Variants in TTF1 observed in about 807,000 individuals in gnomAD.
TTF1 encodes transcription termination factor, RNA polymerase I.
A neutral mutation model predicts 80.2 loss-of-function variants in TTF1; 64 were observed. The ratio of observed to expected loss-of-function variants is 0.80; its 90% CI spans 0.65 to 0.98. TTF1 has a LOEUF of 0.98. TTF1 is among the 50% of genes least tolerant of loss of function. The pLI, the probability that TTF1 is intolerant of heterozygous loss-of-function variation, is 0.00. For synonymous variants in TTF1, 372 were observed against 382.7 expected, an observed-to-expected ratio of 0.97 and a Z score of 0.33; for missense variants, 1,023 against 1,086.2, an observed-to-expected ratio of 0.94 and a Z score of 0.82.
intron 1 of TTF1, among the ~76,000 whole-genome samples, chr9:132,405,332 G>A (rs1359435189): frequency 5.3e-5 from 8 of 152,144 alleles, no homozygotes; most frequent in Non-Finnish European, 1.2e-4. Flanking sequence ...AGCCTCCGGA[G>A]TAGTAGCTGG....
At chr9:132,376,662 CTT>C (rs530150374) in intron 10 of TTF1, among the ~76,000 whole-genome samples, 105 of 136,430 alleles carry the variant, frequency 7.7e-4, no homozygotes, top group Admixed American at 1.1e-3. Context: ...AATCTGTATC[CTT>C]TTTTTTTTTT....
chr9:132,390,555 C>T (rs527307534), intron 7 of TTF1, 42 bp downstream of exon 7: 40 of 1,582,948 alleles, frequency 2.5e-5, no homozygotes, highest in Middle Eastern at 1.7e-4. Context: ...CACCTCTCCA[C>T]AGAAGCTGGA....
rs574426172 is a variant in TTF1 at position 132,386,496 on chromosome 9, T to C, written c.2378+60A>G. The stretch of plus-strand genomic sequence containing the variant: ...AGCCCTGTAAGATGATAGGGAGTTA[T>C]TGTATTTATTAAGTCATCTCTATAT... On this transcript the variant is annotated intron_variant, in intron 9 of 10. Transcript: ENST00000334270. 301 of 1,288,174 alleles carry C rather than the reference T, an allele frequency of 2.3e-4. No individual in the cohort carries two copies. In the African/African-American group the frequency reaches 3.9e-3, roughly 16 times the overall value. The allele number at this position is 1,288,174 out of a possible 1,614,324, so 79.8% of individuals were successfully genotyped here. A position where few individuals can be genotyped will look rare whatever the true frequency, so the allele number is the denominator to read the frequency against.
At chr9:132,381,268 A>G (rs1849366885) in intron 9 of TTF1, among the ~76,000 whole-genome samples, 1 of 150,884 alleles carries the variant, frequency 6.6e-6, no homozygotes, top group African/African-American at 2.4e-5. Flanking sequence ...ATCTCGGCTC[A>G]CTGCAACCTC....
At position 132,402,656 on chromosome 9, in the gene TTF1, T is replaced by C; in HGVS notation, c.166A>G (p.Lys56Glu). The C allele has an allele frequency of 3.1e-6, 5 of 1,613,120 alleles. No homozygotes were observed. Among genetic ancestry groups the C allele is most frequent in the Non-Finnish European group, 4.2e-6 (5 of 1,179,808 alleles). Reference protein sequence around the residue: ...QSQITRRKKRKKDFQHLISSP... With the variant: ...QSQITRRKKREKDFQHLISSP... The stretch of plus-strand genomic sequence containing the variant: ...GAAATGAGATGCTGGAAATCTTTTT[T>C]CCTCTTTTTCCTCCTAGTTATTTGA... The change falls in exon 2 of 11, where the codon AAA (lysine) becomes GAA (glutamate). Residue 56 changes from lysine to glutamate, a missense_variant. Transcript: ENST00000334270.
At chr9:132,399,994 A>G (rs772206777) in intron 3 of TTF1, 41 bp downstream of exon 3, 3 of 1,603,486 alleles carry the variant, frequency 1.9e-6, no homozygotes, top group Non-Finnish European at 2.6e-6. Context: ...CTAGCTCTGC[A>G]TACAGGAAGT....
chr9:132,378,469 T>G (rs1849293796), intron 10 of TTF1, among the ~76,000 whole-genome samples: 1 of 144,428 alleles, frequency 6.9e-6, no homozygotes, highest in African/African-American at 2.6e-5. Flanking sequence ...GTGGTGTGTG[T>G]GAGTGCATGT....
At position 132,400,082 on chromosome 9, in the gene TTF1, C is replaced by T. The variant is rs772002468; in HGVS notation, c.1544G>A (p.Arg515Gln). Residue 515 changes from arginine (R) to glutamine (Q), a missense_variant, in exon 3 of 11, where the codon CGG (arginine) becomes CAG (glutamine). Transcript: ENST00000334270. ...CCGTTCCAAGTCGTCCCGGTACATC[C>T]GCTTGATTGTGCTGGTGGCCCTGTC... The part of the protein sequence containing the change: ...IKDRATSTIK[R>Q]MYRDDLERFK... The T allele has an allele frequency of 8.1e-6, 13 of 1,614,090 alleles. No homozygotes were observed. Among genetic ancestry groups the T allele is most frequent in the East Asian group, 2.2e-5 (1 of 44,896 alleles).
At chr9:132,395,609 G>A (rs1190873629) in intron 5 of TTF1, among the ~76,000 whole-genome samples, 2 of 152,166 alleles carry the variant, frequency 1.3e-5, no homozygotes, top group East Asian at 3.8e-4. Flanking sequence ...CCTCACCTAA[G>A]GCTGATTTAT....
intron 10 of TTF1, among the ~76,000 whole-genome samples, chr9:132,377,656 T>C (rs866212016): frequency 8.1e-6 from 1 of 123,398 alleles, no homozygotes; most frequent in Admixed American, 8.3e-5. Context: ...GCATGTGGTG[T>C]GTGTGAGTGC....
At chr9:132,392,532 C>T (rs1289352817) in intron 5 of TTF1, among the ~76,000 whole-genome samples, 1 of 152,146 alleles carries the variant, frequency 6.6e-6, no homozygotes, top group Non-Finnish European at 1.5e-5. Flanking sequence ...TCGCCAGTGC[C>T]GTTTAAAGGG....
chr9:132,401,507 G>A lies in TTF1; in HGVS notation c.1315C>T (p.Gln439Ter). 3 of 1,614,080 alleles carry A rather than the reference G, an allele frequency of 1.9e-6. No homozygotes were observed. Among genetic ancestry groups the A allele is most frequent in the Non-Finnish European group, 2.5e-6 (3 of 1,180,010 alleles). ...GCCAAACAGGCCTGGGTTTTCTTTT[G>A]TCGGGGCCTAGATTTCACACCTTCT... ...MEEGVKSRPR[Q>*]KKTQACLASK... is the part of the protein sequence containing the mutation. The change falls in exon 2 of 11, where the codon CAA becomes TAA. Residue 439 changes from glutamine (Q) to a stop codon, truncating the protein, a stop_gained. Coordinates refer to ENST00000334270, the MANE Select transcript of TTF1 (RefSeq NM_007344.4). LOFTEE classifies it high-confidence loss of function.
Position 132,375,881 on chromosome 9 carries a change from C to T in TTF1, c.*34G>A, listed in dbSNP as rs1186514275. ...CATTTTTAATAGTGACAGGTCTTCA[C>T]CATGTTGGTCAGGCCGGTCTCGAAC... On this transcript the variant is annotated 3_prime_UTR_variant, in exon 11 of 11. Coordinates refer to ENST00000334270, the MANE Select transcript of TTF1 (RefSeq NM_007344.4). 3 of 1,327,494 alleles carry T rather than the reference C, an allele frequency of 2.3e-6. No homozygotes were observed. The highest frequency in any genetic ancestry group is 4.4e-4 in the Middle Eastern group (2 of 4,558). 82.2% of individuals were successfully genotyped at this position (1,327,494 alleles called of 1,614,324 possible).
intron 5 of TTF1, among the ~76,000 whole-genome samples, chr9:132,395,812 G>A (rs1849638043): frequency 6.6e-6 from 1 of 152,166 alleles, no homozygotes; most frequent in Admixed American, 6.5e-5. Context: ...CGTGGAATCC[G>A]AGCTAACACC....
intron 8 of TTF1, 121 bp downstream of exon 8, chr9:132,388,018 G>T: frequency 3.0e-6 from 2 of 661,104 alleles, no homozygotes; most frequent in Non-Finnish European, 2.6e-6. Context: ...CAATACATGC[G>T]GAAAGTGCTG....
Position 132,396,674 on chromosome 9 carries a change from G to GT in TTF1, c.1778-164dup, listed in dbSNP as rs5900975. Among the ~76,000 whole-genome samples, 952 of 140,238 alleles carry GT rather than the reference G, an allele frequency of 6.8e-3. 8 individuals are homozygous for GT. Among genetic ancestry groups the GT allele is most frequent in the African/African-American group, 0.012 (461 of 38,196 alleles). The allele number at this position is 140,238 out of a possible 152,430, so 92.0% of individuals were successfully genotyped here. On this transcript the variant is annotated intron_variant, in intron 4 of 10. Transcript: ENST00000334270. Reference sequence around the variant, plus strand: ...GAAAGCTGTCTTGTTTTTTTTGTTTGTTTTTTTTTTTTTGAGAGAGTCTCA... The same window carrying GT: ...GAAAGCTGTCTTGTTTTTTTTGTTTGTTTTTTTTTTTTTTGAGAGAGTCTCA...
chr9:132,387,105 G>A (rs951027613), intron 8 of TTF1, among the ~76,000 whole-genome samples: 21 of 152,078 alleles, frequency 1.4e-4, no homozygotes, highest in African/African-American at 5.1e-4. Context: ...CCATAAGCAC[G>A]TGGCACCATG....
At chr9:132,392,888 A>G (rs747404405) in intron 5 of TTF1, among the ~76,000 whole-genome samples, 4 of 152,372 alleles carry the variant, frequency 2.6e-5, no homozygotes, top group Admixed American at 6.5e-5. Flanking sequence ...AAAAATGCCT[A>G]TCATTTCAAC....
chr9:132,382,348 AC>A (rs1849383724), intron 9 of TTF1, among the ~76,000 whole-genome samples: 1 of 152,184 alleles, frequency 6.6e-6, no homozygotes, highest in Non-Finnish European at 1.5e-5. Flanking sequence ...ATTTCTTACC[AC>A]CAAAGGAAGA....
Sources: gnomAD v4.1 joint callset for allele counts (sites outside exome capture counted in the v4.1 genomes callset) on GRCh38, gnomAD v4.1.1 for gene constraint, MANE v1.5 for transcripts, NCBI Gene and HGNC (gene_info 2026-07-23, HGNC 2026-07-21) for gene names.